Variants in INTS2 observed in about 807,000 individuals in gnomAD.
The protein encoded by INTS2 is integrator complex subunit 2, also known as KIAA1287.
Under a neutral mutation model 139.6 loss-of-function variants are expected in INTS2, and 57 were observed. The ratio of observed to expected loss-of-function variants is 0.41; its 90% CI spans 0.33 to 0.51. INTS2 has a LOEUF of 0.51. Among genes scored for constraint, INTS2 ranks in the 20% least tolerant of loss-of-function variants. The pLI is 0.28. For synonymous variants in INTS2, 473 were observed against 493.4 expected, an observed-to-expected ratio of 0.96 and a Z score of 0.55; for missense variants, 1,196 against 1,436.7, an observed-to-expected ratio of 0.83 and a Z score of 2.71.
intron 5 of INTS2, among the ~76,000 whole-genome samples, chr17:61,915,766 C>T (rs1386293293): frequency 2.3e-5 from 3 of 132,912 alleles, no homozygotes; most frequent in Admixed American, 8.6e-5. Flanking sequence ...GGAGGCAGAG[C>T]TTGCAGTGAG....
chr17:61,918,237 G>A (rs1426089129), intron 5 of INTS2, among the ~76,000 whole-genome samples: 1 of 152,120 alleles, frequency 6.6e-6, no homozygotes, highest in Non-Finnish European at 1.5e-5. Context: ...CAGATGAGAA[G>A]TATTTTGGTT....
At chr17:61,874,785 G>A (rs772727969) in intron 19 of INTS2, 128 bp downstream of exon 19, 27 of 565,284 alleles carry the variant, frequency 4.8e-5, no homozygotes, top group Middle Eastern at 4.3e-4. Context: ...ACAAAAAACC[G>A]CACAGGTCAC....
chr17:61,921,725 C>T lies in INTS2; in HGVS notation c.535G>A (p.Glu179Lys). The change falls in exon 4 of 25, where the codon GAG becomes AAG. Residue 179 changes from glutamate (E) to lysine (K), a missense_variant and splice_region_variant. Transcript: ENST00000251334. ...AADVLCILQA[E>K]LPSLLPIVDV... The stretch of plus-strand genomic sequence containing the variant: ...TCCATCTTAGCACTCAGTACAGTAC[C>T]TGCTTGTAAAATACAAAGTACATCT... The T allele has an allele frequency of 6.5e-7, 1 of 1,539,902 alleles. No individual in the cohort carries two copies. The highest frequency in any genetic ancestry group is 8.9e-7 in the Non-Finnish European group (1 of 1,122,618).
intron 3 of INTS2, among the ~76,000 whole-genome samples, chr17:61,924,563 A>G (rs1184868708): frequency 6.6e-6 from 1 of 152,210 alleles, no homozygotes; most frequent in African/African-American, 2.4e-5. Flanking sequence ...CCATGCCTGT[A>G]ATCCCAACAC....
chr17:61,890,609 CAAAA>C (rs11312680), intron 14 of INTS2, among the ~76,000 whole-genome samples: 1 of 119,610 alleles, frequency 8.4e-6, no homozygotes. Flanking sequence ...GACTCTGTCT[CAAAA>C]AAAAAAAAAA....
In INTS2 at chr17:61,914,724, A is replaced by AT. The variant is rs1385367953; in HGVS notation, c.650-2655dup. Among the ~76,000 whole-genome samples, 6 of 149,790 alleles carry AT rather than the reference A, an allele frequency of 4.0e-5. No individual in the cohort carries two copies. The East Asian group carries it at 9.8e-4, about 24-fold the overall frequency. Reference sequence around the variant, plus strand: ...TCTCAAAAAAAAAAAAAAAAAAAAAATTATCTGGGCCCAGTGGTATCGGCT... The same window carrying AT: ...TCTCAAAAAAAAAAAAAAAAAAAAAATTTATCTGGGCCCAGTGGTATCGGCT... On this transcript the variant is annotated intron_variant, in intron 5 of 24. Coordinates refer to ENST00000251334, the MANE Select transcript of INTS2 (RefSeq NM_001351695.2).
At position 61,922,460 on chromosome 17, in the gene INTS2, T is replaced by C. The variant is rs1020375367; in HGVS notation, c.433-633A>G. ...TCCACACTGGGAGACAGAATGAGAC[T>C]CCGTCTCAAAAAAAAAAAAAAAAAG... On this transcript the variant is annotated intron_variant, in intron 3 of 24. Transcript: ENST00000251334. Among the ~76,000 whole-genome samples the C allele has an allele frequency of 1.2e-4, 11 of 89,230 alleles. No homozygotes were observed. In the Admixed American group the frequency reaches 1.6e-3, roughly 13 times the overall value. 58.5% of individuals were successfully genotyped at this position (89,230 alleles called of 152,430 possible).
chr17:61,869,732 C>A lies in INTS2; in HGVS notation c.3030+5G>T. 1.2e-6 allele frequency: 2 copies of A among 1,610,828 alleles called. No homozygotes were observed. The highest frequency in any genetic ancestry group is 1.7e-6 in the Non-Finnish European group (2 of 1,177,424). ...AACACAAAGCATCATTCTTTGGAAA[C>A]AGACCTGAAAGTGAACAAGCTTAGC... On this transcript the variant is annotated splice_donor_5th_base_variant and intron_variant, in intron 21 of 24. Coordinates refer to ENST00000251334, the MANE Select transcript of INTS2 (RefSeq NM_001351695.2). The surrounding 1 kb of genome is among the most constrained non-coding windows in gnomAD (Gnocchi z 5.4).
In INTS2 at chr17:61,873,460, A is replaced by G. The variant is rs1473474756; in HGVS notation, c.2583-1000T>C. ...CTACAAAAACATTAGATACAATTTG[A>G]TAACAGAATTTAACAACTTCCTTAA... On this transcript the variant is annotated intron_variant, in intron 19 of 24. Transcript: ENST00000251334. The surrounding 1 kb of genome is among the most constrained non-coding windows in gnomAD (Gnocchi z 4.0). 6.6e-6 allele frequency among the ~76,000 whole-genome samples: 1 copy of G among 152,236 alleles called. No homozygotes were observed. Among genetic ancestry groups the G allele is most frequent in the Admixed American group, 6.5e-5 (1 of 15,280 alleles).
At chr17:61,901,582 T>C (rs1333080666) in intron 9 of INTS2, among the ~76,000 whole-genome samples, 1 of 28,498 alleles carries the variant, frequency 3.5e-5, no homozygotes, top group African/African-American at 6.2e-5. Context: ...GATTTCTTTT[T>C]TTTTTTTTTT....
chr17:61,891,378 G>C (rs1297251121), intron 14 of INTS2, 135 bp downstream of exon 14: 3 of 698,032 alleles, frequency 4.3e-6, no homozygotes, highest in African/African-American at 1.8e-5. Context: ...TTTTAGAGGT[G>C]ATCTAAGGAA....
chr17:61,881,717 G>A (rs978627788), intron 16 of INTS2, among the ~76,000 whole-genome samples: 8 of 152,182 alleles, frequency 5.3e-5, no homozygotes, highest in African/African-American at 1.9e-4. Flanking sequence ...TGGAGGCCTA[G>A]GAATGTGCAC....
rs994384240 is a variant in INTS2, at chr17:61,910,082, CAT to C, written c.954+1436_954+1437del. The C allele has an allele frequency of 9.2e-5, 14 of 152,272 alleles. No homozygotes were observed. In the East Asian group the frequency reaches 1.2e-3, roughly 13 times the overall value. 9.4% of individuals were successfully genotyped at this position (152,272 alleles called of 1,614,324 possible). ...AGCCTTTAAAAAGGAAATCCTGACA[CAT>C]GTTACAACATAGATGAACCTTGAAA... On this transcript the variant is annotated intron_variant, in intron 7 of 24. Coordinates refer to ENST00000251334, the MANE Select transcript of INTS2 (RefSeq NM_001351695.2).
At chr17:61,877,776 A>G in intron 18 of INTS2, 111 bp downstream of exon 18, 1 of 734,162 alleles carries the variant, frequency 1.4e-6, no homozygotes, top group Non-Finnish European at 2.3e-6. Flanking sequence ...CATATAGTCA[A>G]CAAATACTGC....
At chr17:61,878,525 GC>G (rs1346668760) in intron 17 of INTS2, among the ~76,000 whole-genome samples, 3 of 151,924 alleles carry the variant, frequency 2.0e-5, no homozygotes, top group African/African-American at 7.3e-5. Context: ...GATTGCACCA[GC>G]GCACTCCAGC....
chr17:61,885,175 G>C, intron 15 of INTS2, 170 bp from the exon 16 acceptor site: 2 of 592,708 alleles, frequency 3.4e-6, no homozygotes, highest in East Asian at 5.6e-5. Flanking sequence ...TGGCTACACA[G>C]GAAGAACAAG....
At chr17:61,881,282 T>C (rs1450163325) in intron 16 of INTS2, 111 bp from the exon 17 acceptor site, 2 of 813,266 alleles carry the variant, frequency 2.5e-6, no homozygotes, top group Non-Finnish European at 1.9e-6. Flanking sequence ...AGGGTTATGC[T>C]CTAAGTCAGT....
In INTS2 at chr17:61,927,741, G is replaced by A; in HGVS notation, c.-106C>T. The A allele has an allele frequency of 3.4e-6, 5 of 1,487,150 alleles. No homozygotes were observed. Among genetic ancestry groups the A allele is most frequent in the Non-Finnish European group, 4.5e-6 (5 of 1,121,830 alleles). 92.1% of individuals were successfully genotyped at this position (1,487,150 alleles called of 1,614,324 possible). On this transcript the variant is annotated 5_prime_UTR_variant, in exon 1 of 25. Coordinates refer to ENST00000251334, the MANE Select transcript of INTS2 (RefSeq NM_001351695.2). Reference sequence around the variant, plus strand: ...GCGGCAGAAATCGAGAGCGCGGTCCGATGTTGGGCCTAGGCGATATCCGGA... The same window carrying A: ...GCGGCAGAAATCGAGAGCGCGGTCCAATGTTGGGCCTAGGCGATATCCGGA...
intron 3 of INTS2, among the ~76,000 whole-genome samples, chr17:61,922,946 G>A (rs1418772152): frequency 7.9e-5 from 12 of 151,146 alleles, no homozygotes; most frequent in Admixed American, 1.3e-4. Context: ...GCATGGTGGC[G>A]GGTGCCTGTA....
Sources: allele counts gnomAD v4.1 joint callset (sites outside exome capture counted in the v4.1 genomes callset), GRCh38; gene constraint gnomAD v4.1.1; non-coding constraint Gnocchi (gnomAD v3.1); transcripts MANE v1.5; gene names NCBI Gene and HGNC (gene_info 2026-07-23, HGNC 2026-07-21).